Variants in CBX2 observed in about 807,000 individuals in gnomAD.
CBX2 encodes the protein chromobox 2.
In CBX2, 11 loss-of-function variants were observed where a neutral mutation model predicts 21.0. That is an observed-to-expected ratio of 0.52 (90% CI 0.33 to 0.87). CBX2 has a LOEUF of 0.87. Among genes scored for constraint, CBX2 ranks in the 40% least tolerant of loss-of-function variants. CBX2 has a pLI of 0.02. For synonymous variants in CBX2, 364 were observed against 304.6 expected (o/e 1.19, Z -2.03); for missense variants, 746 against 724.3 (o/e 1.03, Z -0.34).
At chr17:79,779,191 G>T (rs1906972392) in intron 2 of CBX2, among the ~76,000 whole-genome samples, 171 bp from the exon 3 acceptor site, 1 of 152,200 alleles carries the variant, frequency 6.6e-6, no homozygotes, top group African/African-American at 2.4e-5. Context: ...CTTGGTGGGG[G>T]GTGGCCAGCC....
Position 79,786,092 on chromosome 17 carries a change from T to C in CBX2, c.*1050T>C, listed in dbSNP as rs1907615932. ...CTCCCTTCACTCCCAGGACCTACCT[T>C]CTGCTAGTAAAGGACTGGCTTCATT... is the stretch of plus-strand genomic sequence containing the variant. On this transcript the variant is annotated 3_prime_UTR_variant, in exon 5 of 5. Transcript: ENST00000310942. The C allele has an allele frequency of 6.6e-6, 1 of 152,366 alleles. No individual in the cohort carries two copies. The highest frequency in any genetic ancestry group is 1.5e-5 in the Non-Finnish European group (1 of 68,128). 9.4% of individuals were successfully genotyped at this position (152,366 alleles called of 1,614,324 possible). A position where few individuals can be genotyped will look rare whatever the true frequency, so the allele number is the denominator to read the frequency against.
chr17:79,780,601 TAAG>T (rs1485219427), intron 3 of CBX2, among the ~76,000 whole-genome samples: 9 of 152,000 alleles, frequency 5.9e-5, no homozygotes, highest in East Asian at 1.9e-4. Context: ...ACACCTGAGA[TAAG>T]AAGAGTGTAA....
At position 79,784,458 on chromosome 17, in the gene CBX2, G is replaced by T. The variant is rs1555831232; in HGVS notation, c.1015G>T (p.Gly339Trp). 3 of 1,612,090 alleles carry T rather than the reference G, an allele frequency of 1.9e-6. No individual in the cohort carries two copies. The South Asian group carries it at 3.3e-5, about 18-fold the overall frequency. Residue 339 changes from glycine to tryptophan, a missense_variant, in exon 5 of 5, where the codon GGG becomes TGG. This residue lies in a region of CBX2 where 701 missense variants were observed against 650.7 expected (regional missense o/e 1.08). Coordinates refer to ENST00000310942, the MANE Select transcript of CBX2 (RefSeq NM_005189.3). The surrounding 1 kb of genome is among the most constrained non-coding windows in gnomAD (Gnocchi z 5.9). ...HTHGASRVPA[G>W]CPGPQPAPTQ... ...CCATGGTGCCAGCAGGGTGCCTGCT[G>T]GGTGCCCAGGCCCCCAGCCAGCACC...
rs782671044 is a variant in CBX2, at chr17:79,783,770, C to T, written c.327C>T (p.Ser109=). Residue 109 remains serine, a synonymous_variant, in exon 5 of 5, where the codon TCC becomes TCT. Transcript: ENST00000310942. The part of the protein sequence containing the change: ...DAPSKSKSSS[S]SSSSTSSSSS... Reference sequence around the variant, plus strand: ...CCTCCAAATCCAAGTCCAGCAGTTCCTCCTCTTCCTCCACGTCATCCTCCT... The same window carrying T: ...CCTCCAAATCCAAGTCCAGCAGTTCTTCCTCTTCCTCCACGTCATCCTCCT... 3.8e-6 allele frequency: 6 copies of T among 1,558,768 alleles called. No individual in the cohort carries two copies. The highest frequency in any genetic ancestry group is 1.9e-5 in the Admixed American group (1 of 51,496).
At chr17:79,779,453 G>A (rs953811416) in intron 3 of CBX2, 26 bp downstream of exon 3, 2 of 1,606,576 alleles carry the variant, frequency 1.2e-6, no homozygotes, top group Middle Eastern at 1.8e-4. Context: ...GCACTGGGGA[G>A]GGTGTGGGGG....
At chr17:79,778,126 C>G, upstream of CBX2, 1 of 366,150 alleles carries the variant, frequency 2.7e-6, no homozygotes, top group African/African-American at 2.2e-5. The surrounding 1 kb of genome is among the most constrained non-coding windows in gnomAD (Gnocchi z 4.8). Context: ...GTGCGCGGGG[C>G]GGGCCGGCGC....
intron 4 of CBX2, among the ~76,000 whole-genome samples, chr17:79,782,969 G>A (rs1414603646): frequency 2.0e-5 from 3 of 152,194 alleles, no homozygotes; most frequent in African/African-American, 7.2e-5. Flanking sequence ...GGAAGGCTCA[G>A]ACTGGGAAAT....
rs782171139 is a variant in CBX2, at chr17:79,784,226, C to T, written c.783C>T (p.Asn261=). Residue 261 remains asparagine (N), a synonymous_variant, in exon 5 of 5, where the codon AAC becomes AAT. Transcript: ENST00000310942. The surrounding 1 kb of genome is among the most constrained non-coding windows in gnomAD (Gnocchi z 5.9). Reference sequence around the variant, plus strand: ...AGAGCTCCATCGTGCACTACATGAACCGGATGACCCAGAGCCAGGCCCAGG... The same window carrying T: ...AGAGCTCCATCGTGCACTACATGAATCGGATGACCCAGAGCCAGGCCCAGG... ...SWQSSIVHYM[N]RMTQSQAQAA... is the part of the protein sequence containing the mutation. 1 of 1,612,944 alleles carries T rather than the reference C, an allele frequency of 6.2e-7. No individual in the cohort carries two copies. The highest frequency in any genetic ancestry group is 1.7e-5 in the Admixed American group (1 of 60,038).
chr17:79,784,181 C>T lies in CBX2; in HGVS notation c.738C>T (p.Gly246=). Residue 246 remains glycine, a synonymous_variant, in exon 5 of 5, where the codon GGC becomes GGT. Coordinates refer to ENST00000310942, the MANE Select transcript of CBX2 (RefSeq NM_005189.3). This position sits in a 1 kb window ranked among gnomAD's most constrained non-coding sequence, Gnocchi z 5.9. ...SLMKGMASSP[G]RGGISWQSSI... is the part of the protein sequence containing the mutation. Reference sequence around the variant, plus strand: ...TGAAGGGCATGGCCAGTAGCCCCGGCCGGGGTGGCATCAGCTGGCAGAGCT... The same window carrying T: ...TGAAGGGCATGGCCAGTAGCCCCGGTCGGGGTGGCATCAGCTGGCAGAGCT... 1 of 1,612,844 alleles carries T rather than the reference C, an allele frequency of 6.2e-7. No individual in the cohort carries two copies. Among genetic ancestry groups the T allele is most frequent in the Non-Finnish European group, 8.5e-7 (1 of 1,179,954 alleles).
Position 79,783,794 on chromosome 17 carries a change from C to G in CBX2, c.351C>G (p.Ser117=). ...CCTCCTCTTCCTCCACGTCATCCTC[C>G]TCTTCCTCAGATGAAGAGGATGACA... ...SSSSSSSTSS[S]SSSDEEDDSD... is the part of the protein sequence containing the mutation. The change falls in exon 5 of 5, where the codon TCC becomes TCG. Residue 117 remains serine, a synonymous_variant. Transcript: ENST00000310942. 1 of 1,581,698 alleles carries G rather than the reference C, an allele frequency of 6.3e-7. No homozygotes were observed. The highest frequency in any genetic ancestry group is 1.8e-5 in the Admixed American group (1 of 54,122).
In CBX2 at chr17:79,785,379, T is replaced by C; in HGVS notation, c.*337T>C. ...GGCTTCTTCATGGCTGCGTTGTTGC[T>C]GAGTTTGAACTGCTCCTCCCTGGCC... On this transcript the variant is annotated 3_prime_UTR_variant, in exon 5 of 5. Transcript: ENST00000310942. 1 of 399,002 alleles carries C rather than the reference T, an allele frequency of 2.5e-6. No individual in the cohort carries two copies. Among genetic ancestry groups the C allele is most frequent in the East Asian group, 5.2e-5 (1 of 19,116 alleles). 24.7% of individuals were successfully genotyped at this position (399,002 alleles called of 1,614,324 possible). A position where few individuals can be genotyped will look rare whatever the true frequency, so the allele number is the denominator to read the frequency against.
chr17:79,785,412 C>A lies in CBX2; in HGVS notation c.*370C>A. 3.1e-6 allele frequency: 1 copy of A among 321,264 alleles called. No homozygotes were observed. The highest frequency in any genetic ancestry group is 6.0e-6 in the Non-Finnish European group (1 of 166,746). The allele number at this position is 321,264 out of a possible 1,614,324, so 19.9% of individuals were successfully genotyped here. The stretch of plus-strand genomic sequence containing the variant: ...AACTGCTCCTCCCTGGCCTGCGTGA[C>A]TGAATCACAGCTTTGGTCCCTGTCT... On this transcript the variant is annotated 3_prime_UTR_variant, in exon 5 of 5. Coordinates refer to ENST00000310942, the MANE Select transcript of CBX2 (RefSeq NM_005189.3).
At position 79,785,144 on chromosome 17, in the gene CBX2, G is replaced by T; in HGVS notation, c.*102G>T. The T allele has an allele frequency of 9.7e-7, 1 of 1,034,264 alleles. No homozygotes were observed. Among genetic ancestry groups the T allele is most frequent in the East Asian group, 2.5e-5 (1 of 40,178 alleles). 64.1% of individuals were successfully genotyped at this position (1,034,264 alleles called of 1,614,324 possible). A position where few individuals can be genotyped will look rare whatever the true frequency, so the allele number is the denominator to read the frequency against. On this transcript the variant is annotated 3_prime_UTR_variant, in exon 5 of 5. Coordinates refer to ENST00000310942, the MANE Select transcript of CBX2 (RefSeq NM_005189.3). The stretch of plus-strand genomic sequence containing the variant: ...CCAAGCCCCCTCAAGAGTCTGGGTC[G>T]GGGGAGGAGGAGTGGGTGGCCTCCT...
Position 79,779,362 on chromosome 17 carries a change from A to C in CBX2, c.117A>C (p.Lys39Asn), listed in dbSNP as rs1906989843. Reference protein sequence around the residue: ...YLVKWRGWSSKHNSWEPEENI... With the variant: ...YLVKWRGWSSNHNSWEPEENI... ...TGCTGCCCTGTCCTCTGCTTTGCAG[A>C]CATAACAGCTGGGAGCCGGAGGAGA... The change falls in exon 3 of 5, where the codon AAA becomes AAC. Residue 39 changes from lysine to asparagine, a missense_variant and splice_region_variant. Lys to Asn is a moderately conservative substitution (Grantham distance 94). Around this residue, in one of 2 missense-constraint regions of CBX2, gnomAD observed 45 missense variants for 73.6 expected, o/e 0.61. Coordinates refer to ENST00000310942, the MANE Select transcript of CBX2 (RefSeq NM_005189.3). The C allele has an allele frequency of 6.2e-7, 1 of 1,613,590 alleles. No individual in the cohort carries two copies. Among genetic ancestry groups the C allele is most frequent in the African/African-American group, 1.3e-5 (1 of 74,900 alleles).
Position 79,782,214 on chromosome 17 carries a change from C to T in CBX2, c.288+413C>T, listed in dbSNP as rs539769611. 3.3e-5 allele frequency: 53 copies of T among 1,605,224 alleles called. No individual in the cohort carries two copies. In the African/African-American group the frequency reaches 6.0e-4, roughly 18 times the overall value. On this transcript the variant is annotated intron_variant, in intron 4 of 4. Transcript: ENST00000310942. The stretch of plus-strand genomic sequence containing the variant: ...TAAGATTTGGGGGCTACTCCGGGCC[C>T]ACCTGCGGGTGCACCTTAAATCGAG...
At chr17:79,779,971 G>C (rs1455164988) in intron 3 of CBX2, among the ~76,000 whole-genome samples, 9 of 152,280 alleles carry the variant, frequency 5.9e-5, no homozygotes, top group Non-Finnish European at 1.3e-4. Context: ...GTACCAAGTA[G>C]CACCATGAGG....
chr17:79,780,218 GGATA>G (rs1332950904), intron 3 of CBX2, among the ~76,000 whole-genome samples: 1 of 152,228 alleles, frequency 6.6e-6, no homozygotes, highest in Non-Finnish European at 1.5e-5. Flanking sequence ...CTTGCCCTGT[GGATA>G]GAGGCAGAAG....
At chr17:79,779,490 C>T (rs782630951) in intron 3 of CBX2, 63 bp downstream of exon 3, 1 of 1,474,016 alleles carries the variant, frequency 6.8e-7, no homozygotes, top group Admixed American at 1.8e-5. Context: ...TGGAGTCGTG[C>T]TGGGCGCTGC....
chr17:79,784,566 G>A lies in CBX2; in HGVS notation c.1123G>A (p.Ala375Thr), dbSNP rs782480335. The change falls in exon 5 of 5, where the codon GCC becomes ACC. Residue 375 changes from alanine (A) to threonine (T), a missense_variant. Transcript: ENST00000310942. The surrounding 1 kb of genome is among the most constrained non-coding windows in gnomAD (Gnocchi z 5.9). Reference protein sequence around the residue: ...MPGVGLLARHATATKGVPATN... With the variant: ...MPGVGLLARHTTATKGVPATN... ...CGGGGTGGGTCTCCTTGCCCGCCAC[G>A]CCACCGCCACCAAGGGTGTCCCGGC... 2.0e-5 allele frequency: 32 copies of A among 1,612,472 alleles called. No individual in the cohort carries two copies. Among genetic ancestry groups the A allele is most frequent in the Non-Finnish European group, 2.5e-5 (30 of 1,179,914 alleles).
Sources: gnomAD v4.1 joint callset for allele counts (sites outside exome capture counted in the v4.1 genomes callset) on GRCh38, gnomAD v4.1.1 for gene constraint, gnomAD v4.1.1 regional missense constraint, Gnocchi (gnomAD v3.1) non-coding constraint, MANE v1.5 for transcripts, NCBI Gene and HGNC (gene_info 2026-07-23, HGNC 2026-07-21) for gene names.